DMD: variants seen among roughly 807,000 people sequenced by gnomAD.
DMD encodes the protein mutant dystrophin.
Under a neutral mutation model 330.1 loss-of-function variants are expected in DMD, and 63 were observed. That is an observed-to-expected ratio of 0.19 (90% CI 0.16 to 0.24). The LOEUF (loss-of-function observed/expected upper bound fraction) is 0.24, where lower values mean the gene tolerates loss of function less well. Among genes scored for constraint, DMD ranks in the 10% least tolerant of loss-of-function variants. The probability of loss-of-function intolerance (pLI) is 1.00; values close to 1 mark genes in which losing one functional copy is unlikely to be tolerated. For synonymous variants in DMD, 1,223 were observed against 959.8 expected (o/e 1.27, Z -5.07); for missense variants, 3,344 against 2,684.1 (o/e 1.25, Z -5.43).
intron 48 of DMD, among the ~76,000 whole-genome samples, chrX:31,857,253 C>G (rs1457503127): frequency 9.3e-6 from 1 of 107,391 alleles, no homozygotes; most frequent in Non-Finnish European, 1.9e-5. Flanking sequence ...GTGGTGGGCA[C>G]CAGTAATCCT....
intron 45 of DMD, 53 bp from the exon 46 acceptor site, chrX:31,932,280 CTA>C: frequency 9.9e-7 from 1 of 1,012,046 alleles, no homozygotes; most frequent in Non-Finnish European, 1.4e-6. Flanking sequence ...AGTTCTCAAA[CTA>C]TTTGTTAATG....
At chrX:32,264,271 C>G (rs765607509) in intron 43 of DMD, among the ~76,000 whole-genome samples, 1 of 111,852 alleles carries the variant, frequency 8.9e-6, no homozygotes, top group African/African-American at 3.3e-5. Context: ...TCTGCTTCCA[C>G]AGTGATTGTA....
chrX:32,435,168 A>G (rs1720347896), intron 29 of DMD, among the ~76,000 whole-genome samples: 1 of 105,880 alleles, frequency 9.4e-6, no homozygotes, highest in African/African-American at 3.4e-5. Flanking sequence ...TATATTTCAT[A>G]TTGCACTATC....
At chrX:31,348,109 C>T (rs1429003505) in intron 61 of DMD, 3 of 144,808 alleles carry the variant, frequency 2.1e-5, no homozygotes, top group Admixed American at 7.7e-5. Context: ...ATTGGATGAT[C>T]ATATTATAAT....
chrX:31,809,239 TAG>T (rs1354221690), intron 50 of DMD, among the ~76,000 whole-genome samples: 2 of 106,617 alleles, frequency 1.9e-5, no homozygotes, highest in African/African-American at 3.4e-5. Flanking sequence ...AAAAACTATA[TAG>T]AGATATAGCT....
intron 53 of DMD, among the ~76,000 whole-genome samples, chrX:31,668,477 T>C (rs1223399320): frequency 1.8e-5 from 2 of 111,093 alleles, no homozygotes; most frequent in African/African-American, 6.5e-5. Flanking sequence ...TTATTTTTAA[T>C]TTTATTTTGC....
intron 67 of DMD, among the ~76,000 whole-genome samples, chrX:31,201,878 C>T (rs897724112): frequency 8.9e-6 from 1 of 112,063 alleles, no homozygotes; most frequent in Non-Finnish European, 1.9e-5. Flanking sequence ...GTGTGTGTTT[C>T]ACTAGAACTC....
At chrX:32,718,430 C>T (rs180997273) in intron 7 of DMD, among the ~76,000 whole-genome samples, 63 of 111,491 alleles carry the variant, frequency 5.7e-4, no homozygotes, top group African/African-American at 2.0e-3. Flanking sequence ...TGAGACCTCC[C>T]CAGCCATGCT....
intron 7 of DMD, among the ~76,000 whole-genome samples, chrX:32,807,135 A>T (rs1224535153): frequency 1.9e-5 from 2 of 104,161 alleles, no homozygotes. Flanking sequence ...AAAAAAAAAA[A>T]AAAAAAAAAA....
chrX:31,835,609 T>C (rs774934262), intron 49 of DMD, among the ~76,000 whole-genome samples: 1 of 111,926 alleles, frequency 8.9e-6, no homozygotes, highest in South Asian at 3.8e-4. Context: ...TGATTTTCAG[T>C]GTCTGGTGTT....
intron 45 of DMD, among the ~76,000 whole-genome samples, chrX:31,933,594 C>A (rs1422044867): frequency 1.8e-5 from 2 of 111,523 alleles, no homozygotes; most frequent in East Asian, 2.8e-4. Flanking sequence ...CAGGACACTG[C>A]ACAATTTAAC....
intron 62 of DMD, among the ~76,000 whole-genome samples, chrX:31,310,471 G>C (rs989592045): frequency 9.2e-6 from 1 of 109,127 alleles, no homozygotes; most frequent in Admixed American, 9.9e-5. Flanking sequence ...GCCTTTATTT[G>C]ATAAAGCACT....
At chrX:32,271,861 C>T (rs1223892369) in intron 43 of DMD, among the ~76,000 whole-genome samples, 5 of 111,335 alleles carry the variant, frequency 4.5e-5, no homozygotes, top group Non-Finnish European at 7.6e-5. Flanking sequence ...GGAAATTTAC[C>T]CTGCATTAAT....
intron 44 of DMD, among the ~76,000 whole-genome samples, chrX:32,213,510 A>G (rs1460877103): frequency 1.8e-5 from 2 of 112,247 alleles, no homozygotes; most frequent in East Asian, 5.6e-4. Flanking sequence ...GTTCATATGC[A>G]TGATTTTGGA....
chrX:32,931,599 T>G lies in DMD; in HGVS notation c.94-81779A>C, dbSNP rs1409864662. ...CAAACGTATAAGCATATAAGTGTGC[T>G]TATATAAGTATGTATTCATAGTCAC... On this transcript the variant is annotated intron_variant, in intron 2 of 78. Coordinates refer to ENST00000357033, the MANE Select transcript of DMD (RefSeq NM_004006.3). 2.7e-5 allele frequency among the ~76,000 whole-genome samples: 3 copies of G among 111,383 alleles called. No individual in the cohort carries two copies. In the East Asian group the frequency reaches 8.4e-4, roughly 31 times the overall value.
At chrX:33,002,479 C>CTGAT (rs1328771493) in intron 2 of DMD, among the ~76,000 whole-genome samples, 2 of 110,410 alleles carry the variant, frequency 1.8e-5, no homozygotes, top group African/African-American at 6.6e-5. Flanking sequence ...TGCAATTGGT[C>CTGAT]TGATTGGTTG....
chrX:31,179,231 A>G (rs1232086016), intron 69 of DMD, among the ~76,000 whole-genome samples: 3 of 112,729 alleles, frequency 2.7e-5, no homozygotes, highest in Admixed American at 9.3e-5. Context: ...TATTCATAGC[A>G]TGGTACATTC....
At chrX:31,512,801 T>C (rs2147251811) in intron 55 of DMD, among the ~76,000 whole-genome samples, 1 of 111,365 alleles carries the variant, frequency 9.0e-6, no homozygotes, top group South Asian at 3.8e-4. Context: ...TGGCTCAGGA[T>C]TGACTTGGCG....
At chrX:31,433,321 T>C (rs1005529688) in intron 60 of DMD, among the ~76,000 whole-genome samples, 5 of 112,161 alleles carry the variant, frequency 4.5e-5, no homozygotes, top group African/African-American at 1.6e-4. Context: ...AGGTTGACTT[T>C]ATGTCTTTGC....
Sources: allele counts gnomAD v4.1 joint callset (sites outside exome capture counted in the v4.1 genomes callset), GRCh38; gene constraint gnomAD v4.1.1; transcripts MANE v1.5; gene names NCBI Gene and HGNC (gene_info 2026-07-23, HGNC 2026-07-21).